The following GNAL variants were observed in gnomAD, a reference collection of about 807,000 sequenced individuals.
GNAL encodes the protein guanine nucleotide-binding protein G(olf) subunit alpha.
A neutral mutation model predicts 55.1 loss-of-function variants in GNAL; 18 were observed. That is an observed-to-expected ratio of 0.33 (90% CI 0.23 to 0.48). GNAL has a LOEUF of 0.48. GNAL is among the 20% of genes least tolerant of loss of function. The probability of loss-of-function intolerance (pLI) is 0.99; values close to 1 mark genes in which losing one functional copy is unlikely to be tolerated. For synonymous variants in GNAL, 253 were observed against 237.0 expected, an observed-to-expected ratio of 1.07 and a Z score of -0.62; for missense variants, 412 against 614.1, an observed-to-expected ratio of 0.67 and a Z score of 3.48.
intron 1 of GNAL, among the ~76,000 whole-genome samples, chr18:11,748,522 G>T (rs1466702735): frequency 7.4e-6 from 1 of 135,172 alleles, no homozygotes; most frequent in Admixed American, 6.9e-5. Flanking sequence ...GTATATTTTG[G>T]TACTTTTTCA....
At chr18:11,795,564 G>GAAGAGCAGATGT (rs2034357118) in intron 4 of GNAL, among the ~76,000 whole-genome samples, 1 of 152,204 alleles carries the variant, frequency 6.6e-6, no homozygotes, top group African/African-American at 2.4e-5. Flanking sequence ...GATGGCGACA[G>GAAGAGCAGATGT]AAGAGCAGAT....
intron 4 of GNAL, among the ~76,000 whole-genome samples, chr18:11,777,517 C>T (rs1055595699): frequency 3.3e-5 from 5 of 152,214 alleles, no homozygotes; most frequent in African/African-American, 1.2e-4. Context: ...ATACATTGAT[C>T]TTCTAAGCAA....
intron 4 of GNAL, among the ~76,000 whole-genome samples, chr18:11,759,325 T>G (rs79560135): frequency 2.0e-5 from 3 of 152,268 alleles, no homozygotes; most frequent in African/African-American, 7.2e-5. Flanking sequence ...GTGGATACTT[T>G]ATTAGCTCTT....
At chr18:11,701,235 A>T (rs1367297520) in intron 1 of GNAL, among the ~76,000 whole-genome samples, 2 of 152,166 alleles carry the variant, frequency 1.3e-5, no homozygotes, top group Non-Finnish European at 2.9e-5. Context: ...AGGATATTTT[A>T]TGAGTGGGGA....
At chr18:11,772,972 C>T (rs557608574) in intron 4 of GNAL, among the ~76,000 whole-genome samples, 75 of 152,350 alleles carry the variant, frequency 4.9e-4, no homozygotes, top group African/African-American at 1.7e-3. Context: ...CGGACAGAGG[C>T]CCCGTCACAG....
At chr18:11,799,761 G>GT (rs907762261) in intron 4 of GNAL, among the ~76,000 whole-genome samples, 10 of 151,580 alleles carry the variant, frequency 6.6e-5, no homozygotes, top group Admixed American at 2.0e-4. Flanking sequence ...TTTGCATATA[G>GT]TTTTTTTTTA....
chr18:11,819,803 C>T (rs544101962), intron 4 of GNAL, among the ~76,000 whole-genome samples: 19 of 151,826 alleles, frequency 1.3e-4, no homozygotes, highest in African/African-American at 3.4e-4. Flanking sequence ...TTAATTTCTC[C>T]GTTGTTTTTT....
intron 1 of GNAL, among the ~76,000 whole-genome samples, chr18:11,739,165 A>G (rs796514387): frequency 8.5e-5 from 13 of 152,316 alleles, no homozygotes; most frequent in African/African-American, 2.9e-4. Context: ...GGCTGTTCTC[A>G]TTATTCAACT....
chr18:11,806,547 A>G (rs1473967090), intron 4 of GNAL, among the ~76,000 whole-genome samples: 8 of 152,140 alleles, frequency 5.3e-5, no homozygotes, highest in African/African-American at 1.9e-4. Context: ...TACCCCTCTC[A>G]GGAACAGTGA....
At chr18:11,856,690 C>T (rs1319002360) in intron 5 of GNAL, among the ~76,000 whole-genome samples, 2 of 152,074 alleles carry the variant, frequency 1.3e-5, no homozygotes, top group East Asian at 1.9e-4. Flanking sequence ...CTTTGGGAGG[C>T]CGAGGTGGGC....
intron 4 of GNAL, among the ~76,000 whole-genome samples, chr18:11,816,321 G>A (rs1339330638): frequency 6.6e-6 from 1 of 151,802 alleles, no homozygotes; most frequent in Non-Finnish European, 1.5e-5. Context: ...TTTTGAGACC[G>A]AGTCTTGCTC....
At chr18:11,734,589 T>G (rs539868228) in intron 1 of GNAL, among the ~76,000 whole-genome samples, 2 of 151,622 alleles carry the variant, frequency 1.3e-5, no homozygotes, top group South Asian at 4.2e-4. Flanking sequence ...AGCAATAGCT[T>G]GCATTCTAGA....
Position 11,721,889 on chromosome 18 carries a change from AAAATAAATAAATAAAT to A in GNAL, c.377-30933_377-30918del, listed in dbSNP as rs145268603. On this transcript the variant is annotated intron_variant, in intron 1 of 11. Transcript: ENST00000334049. ...AGACAAGAGTGAAACTCTGTCTCAA[AAAATAAATAAATAAAT>A]AAATAAATAAATAAATAAATAAATA... is the stretch of plus-strand genomic sequence containing the variant. Among the ~76,000 whole-genome samples, 1,017 of 145,928 alleles carry A rather than the reference AAAATAAATAAATAAAT, an allele frequency of 7.0e-3. 7 individuals carry two copies. The highest frequency in any genetic ancestry group is 0.018 in the African/African-American group (690 of 39,420).
intron 1 of GNAL, among the ~76,000 whole-genome samples, chr18:11,740,009 C>G (rs934234908): frequency 6.6e-6 from 1 of 152,176 alleles, no homozygotes; most frequent in Non-Finnish European, 1.5e-5. Context: ...GGATGTGTCC[C>G]CTGTCCCAGC....
rs879837510 is a variant in GNAL, at chr18:11,866,518, G to A, written c.852-650G>A. Among the ~76,000 whole-genome samples, 20 of 150,522 alleles carry A rather than the reference G, an allele frequency of 1.3e-4. 2 individuals carry two copies. The highest frequency in any genetic ancestry group is 7.7e-4 in the East Asian group (4 of 5,184). Reference sequence around the variant, plus strand: ...GGCTGTGAGAAGAGGGGCCTGGGCCGGCCTGATGAAGTGCAGGGTGCAGCT... The same window carrying A: ...GGCTGTGAGAAGAGGGGCCTGGGCCAGCCTGATGAAGTGCAGGGTGCAGCT... On this transcript the variant is annotated intron_variant, in intron 7 of 11. Transcript: ENST00000334049.
At chr18:11,772,828 T>C (rs944300637) in intron 4 of GNAL, among the ~76,000 whole-genome samples, 7 of 152,212 alleles carry the variant, frequency 4.6e-5, no homozygotes, top group African/African-American at 1.7e-4. Flanking sequence ...TTGGCCAATT[T>C]TGAGCTCTGA....
At chr18:11,729,216 A>G (rs1384366316) in intron 1 of GNAL, among the ~76,000 whole-genome samples, 2 of 152,190 alleles carry the variant, frequency 1.3e-5, no homozygotes, top group Admixed American at 1.3e-4. Flanking sequence ...TCAAAGAGAA[A>G]GGGGACATTT....
intron 1 of GNAL, among the ~76,000 whole-genome samples, chr18:11,735,362 T>C (rs1247539670): frequency 6.6e-6 from 1 of 152,038 alleles, no homozygotes; most frequent in Non-Finnish European, 1.5e-5. Context: ...GATAAGGTAT[T>C]GATAAGTGGT....
intron 5 of GNAL, chr18:11,857,558 C>G: frequency 1.0e-6 from 1 of 985,326 alleles, no homozygotes; most frequent in Non-Finnish European, 1.2e-6. Flanking sequence ...ATGGTTCAGG[C>G]AGAGATTAGA....
Sources: allele counts gnomAD v4.1 joint callset (sites outside exome capture counted in the v4.1 genomes callset), GRCh38; gene constraint gnomAD v4.1.1; transcripts MANE v1.5; gene names NCBI Gene and HGNC (gene_info 2026-07-23, HGNC 2026-07-21).